CNTNAP2: variants seen among roughly 807,000 people sequenced by gnomAD.
The protein encoded by CNTNAP2 is contactin associated protein 2.
Under a neutral mutation model 155.2 loss-of-function variants are expected in CNTNAP2, and 98 were observed. The ratio of observed to expected loss-of-function variants is 0.63; its 90% CI spans 0.54 to 0.75. CNTNAP2 has a LOEUF of 0.75. Ranked by LOEUF, CNTNAP2 falls within the 30% of genes least tolerant of loss-of-function variation. The pLI is 0.00. For synonymous variants in CNTNAP2, 651 were observed against 631.2 expected, an observed-to-expected ratio of 1.03 and a Z score of -0.47; for missense variants, 1,727 against 1,688.1, an observed-to-expected ratio of 1.02 and a Z score of -0.40.
intron 14 of CNTNAP2, among the ~76,000 whole-genome samples, chr7:147,969,240 AG>A (rs1481286609): frequency 6.6e-6 from 1 of 151,846 alleles, no homozygotes; most frequent in African/African-American, 2.4e-5. Flanking sequence ...TGGTAGAGAC[AG>A]GGTTTCGCCA....
At chr7:146,300,861 C>T (rs890006979) in intron 1 of CNTNAP2, among the ~76,000 whole-genome samples, 20 of 152,022 alleles carry the variant, frequency 1.3e-4, no homozygotes, top group African/African-American at 4.6e-4. Flanking sequence ...CTCTCAGTTT[C>T]CTGACAGCTA....
intron 21 of CNTNAP2, among the ~76,000 whole-genome samples, chr7:148,294,130 G>A (rs1299233873): frequency 6.7e-6 from 1 of 149,450 alleles, no homozygotes; most frequent in Non-Finnish European, 1.5e-5. Context: ...TATTCTATGT[G>A]TATGCCATGC....
chr7:147,126,507 C>T lies in CNTNAP2; in HGVS notation c.940-2186C>T, dbSNP rs1031170637. The stretch of plus-strand genomic sequence containing the variant: ...TTAATATTTGAGACGGACTCTTTCT[C>T]TGTATGCCCAGGCTGGAGTGCAATG... On this transcript the variant is annotated intron_variant, in intron 6 of 23. Coordinates refer to ENST00000361727, the MANE Select transcript of CNTNAP2 (RefSeq NM_014141.6). Among the ~76,000 whole-genome samples the T allele has an allele frequency of 3.6e-4, 55 of 152,256 alleles. 1 individual carries two copies. Among genetic ancestry groups the T allele is most frequent in the African/African-American group, 1.2e-3 (50 of 41,582 alleles).
chr7:146,693,043 C>A (rs2642482), intron 1 of CNTNAP2, among the ~76,000 whole-genome samples: 16,529 of 151,982 alleles, frequency 0.11, 2,006 homozygotes, highest in African/African-American at 0.3. Context: ...CTGATTGTGT[C>A]ATTTACTTGA....
At chr7:147,950,811 C>T (rs558374688) in intron 14 of CNTNAP2, among the ~76,000 whole-genome samples, 19 of 152,316 alleles carry the variant, frequency 1.2e-4, no homozygotes, top group African/African-American at 4.1e-4. Context: ...GTTGTTGTCC[C>T]TGTATTGGGA....
intron 8 of CNTNAP2, among the ~76,000 whole-genome samples, chr7:147,186,173 T>A (rs7788081): frequency 6.6e-6 from 1 of 151,950 alleles, no homozygotes; most frequent in African/African-American, 2.4e-5. Context: ...AAGATGGGAA[T>A]GGAAGGAGAC....
intron 10 of CNTNAP2, among the ~76,000 whole-genome samples, chr7:147,443,951 G>A (rs1797687277): frequency 6.6e-6 from 1 of 152,172 alleles, no homozygotes; most frequent in Non-Finnish European, 1.5e-5. Context: ...TGATTCCTGA[G>A]TTTGGTTTGC....
intron 1 of CNTNAP2, among the ~76,000 whole-genome samples, chr7:146,702,823 C>T (rs534640607): frequency 1.3e-3 from 199 of 152,152 alleles, no homozygotes; most frequent in African/African-American, 4.2e-3. Context: ...CTTGCTCTAA[C>T]GACCTTTAAC....
chr7:146,493,470 G>A (rs976768197), intron 1 of CNTNAP2, among the ~76,000 whole-genome samples: 2 of 152,154 alleles, frequency 1.3e-5, no homozygotes, highest in Non-Finnish European at 2.9e-5. Flanking sequence ...CATTTCTGTT[G>A]TTAAGGTGAT....
chr7:146,676,823 G>T (rs1800406267), intron 1 of CNTNAP2, among the ~76,000 whole-genome samples: 1 of 152,208 alleles, frequency 6.6e-6, no homozygotes, highest in South Asian at 2.1e-4. Flanking sequence ...AACAGTATGG[G>T]GGAAACTGCC....
intron 1 of CNTNAP2, among the ~76,000 whole-genome samples, chr7:146,218,733 TTTAA>T (rs1271878440): frequency 1.3e-5 from 2 of 151,688 alleles, no homozygotes; most frequent in Non-Finnish European, 2.9e-5. Context: ...TTTATTTAAT[TTTAA>T]TTAATTTAAA....
At chr7:146,791,493 G>A (rs144384222) in intron 2 of CNTNAP2, among the ~76,000 whole-genome samples, 1 of 152,118 alleles carries the variant, frequency 6.6e-6, no homozygotes, top group African/African-American at 2.4e-5. Flanking sequence ...AGAAGTTTAG[G>A]TAGACAGACC....
intron 2 of CNTNAP2, among the ~76,000 whole-genome samples, chr7:146,832,759 A>C (rs1418635876): frequency 6.6e-6 from 1 of 151,838 alleles, no homozygotes; most frequent in African/African-American, 2.4e-5. Flanking sequence ...ACAGTGGTGC[A>C]ATCTCAGCTC....
At chr7:147,729,416 G>A (rs79193818) in intron 13 of CNTNAP2, among the ~76,000 whole-genome samples, 1,654 of 45,100 alleles carry the variant, frequency 0.037, 93 homozygotes, top group Admixed American at 0.27. Flanking sequence ...GCACACACAC[G>A]CACACACACA....
chr7:146,966,079 C>A (rs953497433), intron 3 of CNTNAP2, among the ~76,000 whole-genome samples: 1 of 152,182 alleles, frequency 6.6e-6, no homozygotes, highest in Non-Finnish European at 1.5e-5. Context: ...AGTGGTGCTC[C>A]TTGAGCCTCT....
intron 10 of CNTNAP2, among the ~76,000 whole-genome samples, chr7:147,398,655 T>A (rs900871448): frequency 6.9e-5 from 10 of 145,438 alleles, no homozygotes; most frequent in Non-Finnish European, 1.5e-4. Flanking sequence ...CACGTGCTTA[T>A]TTTCTGAACG....
At chr7:148,002,581 A>T (rs1474054568) in intron 15 of CNTNAP2, among the ~76,000 whole-genome samples, 1 of 152,014 alleles carries the variant, frequency 6.6e-6, no homozygotes, top group Non-Finnish European at 1.5e-5. Context: ...TACTCTAGTT[A>T]GCCTGTAAAA....
chr7:148,416,389 T>A lies in CNTNAP2; in HGVS notation c.*773T>A, dbSNP rs1799990134. 6.6e-6 allele frequency: 1 copy of A among 152,256 alleles called. No individual in the cohort carries two copies. The highest frequency in any genetic ancestry group is 1.5e-5 in the Non-Finnish European group (1 of 68,040). The allele number at this position is 152,256 out of a possible 1,614,324, so 9.4% of individuals were successfully genotyped here. ...GTAGTCTTAGACCAATAGCTGTAAC[T>A]ATCAGCTGCAATACCATGGTGACCA... On this transcript the variant is annotated 3_prime_UTR_variant, in exon 24 of 24. Transcript: ENST00000361727.
At chr7:146,840,198 A>C (rs2129200656) in intron 3 of CNTNAP2, among the ~76,000 whole-genome samples, 1 of 152,332 alleles carries the variant, frequency 6.6e-6, no homozygotes, top group Admixed American at 6.5e-5. Flanking sequence ...AAGTTGAAAT[A>C]GTGATTAATG....
Sources: gnomAD v4.1 joint callset for allele counts (sites outside exome capture counted in the v4.1 genomes callset) on GRCh38, gnomAD v4.1.1 for gene constraint, MANE v1.5 for transcripts, NCBI Gene and HGNC (gene_info 2026-07-23, HGNC 2026-07-21) for gene names.